Variants in DPYSL3 observed in about 807,000 individuals in gnomAD.
DPYSL3 encodes dihydropyrimidinase-related protein 3.
A neutral mutation model predicts 66.1 loss-of-function variants in DPYSL3; 16 were observed. The observed-to-expected ratio is 0.24, with a 90% CI of 0.16 to 0.37. The LOEUF (loss-of-function observed/expected upper bound fraction) is 0.37, where lower values mean the gene tolerates loss of function less well. Among genes scored for constraint, DPYSL3 ranks in the 10% least tolerant of loss-of-function variants. DPYSL3 has a pLI of 1.00. For synonymous variants in DPYSL3, 338 were observed against 345.1 expected, an observed-to-expected ratio of 0.98 and a Z score of 0.23; for missense variants, 738 against 916.2, an observed-to-expected ratio of 0.81 and a Z score of 2.51.
chr5:147,414,751 G>C (rs1323827856), intron 4 of DPYSL3, among the ~76,000 whole-genome samples: 2 of 152,184 alleles, frequency 1.3e-5, no homozygotes, highest in Non-Finnish European at 2.9e-5. Flanking sequence ...AGGGCTTGTG[G>C]GGTAAGGAGG....
At chr5:147,419,347 AGG>A (rs144055043) in intron 2 of DPYSL3, among the ~76,000 whole-genome samples, 367 of 152,318 alleles carry the variant, frequency 2.4e-3, no homozygotes, top group African/African-American at 7.4e-3. Context: ...GGCTTCGCCC[AGG>A]AAGCTTCAGA....
chr5:147,463,005 G>A (rs960447417), intron 1 of DPYSL3, among the ~76,000 whole-genome samples: 67 of 152,126 alleles, frequency 4.4e-4, no homozygotes, highest in Admixed American at 8.5e-4. Flanking sequence ...GGTTCAACAT[G>A]TTATAAGAAC....
Position 147,395,739 on chromosome 5 carries a change from C to T in DPYSL3, c.1804-18G>A. 2 of 1,612,838 alleles carry T rather than the reference C, an allele frequency of 1.2e-6. No homozygotes were observed. The highest frequency in any genetic ancestry group is 8.5e-7 in the Non-Finnish European group (1 of 1,179,900). The stretch of plus-strand genomic sequence containing the variant: ...TCTGCCATCTGCAGCCAGAGAAGAG[C>T]ATGTCACCATTCATTCATTCAGCAT... On this transcript the variant is annotated intron_variant, in intron 12 of 13. Transcript: ENST00000343218.
rs1033746347 is a variant in DPYSL3 at position 147,393,939 on chromosome 5, C to A, written c.*96G>T. ...GCTTATTGATTCTTTAGATCACAAC[C>A]GTTTGGATTCGCTTTCCTTCTTAAA... On this transcript the variant is annotated 3_prime_UTR_variant, in exon 14 of 14. Transcript: ENST00000343218. The A allele has an allele frequency of 1.6e-6, 2 of 1,247,614 alleles. No homozygotes were observed. Among genetic ancestry groups the A allele is most frequent in the Admixed American group, 1.9e-5 (1 of 53,668 alleles). 77.3% of individuals were successfully genotyped at this position (1,247,614 alleles called of 1,614,324 possible).
intron 1 of DPYSL3, among the ~76,000 whole-genome samples, chr5:147,440,165 T>C (rs1045571226): frequency 6.6e-6 from 1 of 151,988 alleles, no homozygotes; most frequent in Non-Finnish European, 1.5e-5. Flanking sequence ...TAGCCAGGCA[T>C]GGTGACAGGC....
rs952079717 is a variant in DPYSL3 at position 147,509,973 on chromosome 5, C to A, written c.-115G>T. The A allele has an allele frequency of 1.1e-5, 15 of 1,412,646 alleles. No individual in the cohort carries two copies. In the African/African-American group the frequency reaches 1.7e-4, roughly 16 times the overall value. The allele number at this position is 1,412,646 out of a possible 1,614,324, so 87.5% of individuals were successfully genotyped here. A position where few individuals can be genotyped will look rare whatever the true frequency, so the allele number is the denominator to read the frequency against. On this transcript the variant is annotated 5_prime_UTR_variant, in exon 1 of 14. Coordinates refer to ENST00000343218, the MANE Select transcript of DPYSL3 (RefSeq NM_001197294.2). The surrounding 1 kb of genome is among the most constrained non-coding windows in gnomAD (Gnocchi z 5.3). Reference sequence around the variant, plus strand: ...TGGCGGGAGGAGGCGCCTGAGCCTTCGCGCCAGAGGCGGCAGTGCTGCTCC... The same window carrying A: ...TGGCGGGAGGAGGCGCCTGAGCCTTAGCGCCAGAGGCGGCAGTGCTGCTCC...
At chr5:147,468,010 A>G (rs1753035374) in intron 1 of DPYSL3, among the ~76,000 whole-genome samples, 2 of 152,140 alleles carry the variant, frequency 1.3e-5, no homozygotes, top group South Asian at 4.1e-4. Flanking sequence ...TCACTTCCCA[A>G]AAGGCCTACT....
intron 1 of DPYSL3, among the ~76,000 whole-genome samples, chr5:147,448,008 T>C (rs1752660348): frequency 6.6e-6 from 1 of 152,144 alleles, no homozygotes; most frequent in Non-Finnish European, 1.5e-5. Context: ...GTTTTTCAAA[T>C]GTAATAAGCA....
At position 147,453,735 on chromosome 5, in the gene DPYSL3, C is replaced by T. The variant is rs916833708; in HGVS notation, c.382-28772G>A. The T allele has an allele frequency of 1.5e-5, 20 of 1,313,460 alleles. No individual in the cohort carries two copies. The Admixed American group carries it at 4.3e-4, about 29-fold the overall frequency. 81.4% of individuals were successfully genotyped at this position (1,313,460 alleles called of 1,614,324 possible). ...GCCGCCTCCGCCCGCCTCCGCCCCC[C>T]TCCCGGGCTCCCGCGGCGGCTGCCA... On this transcript the variant is annotated intron_variant, in intron 1 of 13. Coordinates refer to ENST00000343218, the MANE Select transcript of DPYSL3 (RefSeq NM_001197294.2).
chr5:147,408,860 G>A lies in DPYSL3; in HGVS notation c.964-64C>T, dbSNP rs1751783028. On this transcript the variant is annotated intron_variant, in intron 6 of 13. Transcript: ENST00000343218. ...AGTGAGATTTGGAAAAATTACGCTGGTATGTTCTGATCTAAAGATCTAAAG... is the reference window on the plus strand; with the variant it reads ...AGTGAGATTTGGAAAAATTACGCTGATATGTTCTGATCTAAAGATCTAAAG... 4 of 1,498,968 alleles carry A rather than the reference G, an allele frequency of 2.7e-6. No individual in the cohort carries two copies. The East Asian group carries it at 6.8e-5, about 25-fold the overall frequency. 92.9% of individuals were successfully genotyped at this position (1,498,968 alleles called of 1,614,324 possible).
At chr5:147,468,436 A>G (rs1194366585) in intron 1 of DPYSL3, among the ~76,000 whole-genome samples, 1 of 152,200 alleles carries the variant, frequency 6.6e-6, no homozygotes, top group Non-Finnish European at 1.5e-5. Flanking sequence ...TCTACTACAG[A>G]ATTTAATTTA....
intron 12 of DPYSL3, among the ~76,000 whole-genome samples, chr5:147,396,535 C>G (rs1198572659): frequency 1.3e-5 from 2 of 152,166 alleles, no homozygotes; most frequent in Non-Finnish European, 2.9e-5. Context: ...CAGGATGGAT[C>G]ATCACAAGAA....
At chr5:147,402,301 C>T (rs905674803) in intron 8 of DPYSL3, among the ~76,000 whole-genome samples, 14 of 150,954 alleles carry the variant, frequency 9.3e-5, no homozygotes, top group African/African-American at 3.4e-4. Context: ...TTTGGTTCCA[C>T]AAAGTAAAAT....
At chr5:147,422,063 T>C (rs982545869) in intron 2 of DPYSL3, among the ~76,000 whole-genome samples, 1 of 151,520 alleles carries the variant, frequency 6.6e-6, no homozygotes, top group African/African-American at 2.4e-5. Flanking sequence ...ATCATCAGAG[T>C]GAACAGGCAT....
intron 1 of DPYSL3, among the ~76,000 whole-genome samples, chr5:147,428,019 T>TG (rs1752229031): frequency 6.6e-6 from 1 of 152,122 alleles, no homozygotes; most frequent in African/African-American, 2.4e-5. Context: ...AAGCATGAAA[T>TG]GTCAGCAAAG....
At chr5:147,424,254 T>C (rs1342530549) in intron 2 of DPYSL3, among the ~76,000 whole-genome samples, 1 of 152,224 alleles carries the variant, frequency 6.6e-6, no homozygotes, top group Non-Finnish European at 1.5e-5. Context: ...CCCAGTCTTT[T>C]ACAACATCTT....
At chr5:147,459,768 C>A (rs1318175795) in intron 1 of DPYSL3, among the ~76,000 whole-genome samples, 1 of 152,186 alleles carries the variant, frequency 6.6e-6, no homozygotes, top group East Asian at 1.9e-4. Context: ...CTGCTCCATC[C>A]AGCTCTGATG....
At chr5:147,482,631 G>A (rs1399732667) in intron 1 of DPYSL3, among the ~76,000 whole-genome samples, 1 of 152,168 alleles carries the variant, frequency 6.6e-6, no homozygotes, top group East Asian at 1.9e-4. Context: ...GGTAGAGGCT[G>A]GGCACATAAA....
intron 1 of DPYSL3, among the ~76,000 whole-genome samples, chr5:147,427,459 G>A (rs764885478): frequency 2.0e-5 from 3 of 152,166 alleles, no homozygotes; most frequent in Non-Finnish European, 4.4e-5. Flanking sequence ...AAAGGTGTCT[G>A]GGTCAGAATA....
Sources: allele counts gnomAD v4.1 joint callset (sites outside exome capture counted in the v4.1 genomes callset), GRCh38; gene constraint gnomAD v4.1.1; non-coding constraint Gnocchi (gnomAD v3.1); transcripts MANE v1.5; gene names NCBI Gene and HGNC (gene_info 2026-07-23, HGNC 2026-07-21).